Variants in GTF2H2C observed in about 807,000 individuals in gnomAD.
GTF2H2C encodes GTF2H2 family member C, also known as general transcription factor IIH subunit 2-like protein.
In GTF2H2C, 5 loss-of-function variants were observed where a neutral mutation model predicts 24.8. The observed-to-expected ratio is 0.20, with a 90% CI of 0.11 to 0.42. The LOEUF is 0.42. GTF2H2C is among the 20% of genes least tolerant of loss of function. The pLI is 1.00. For synonymous variants in GTF2H2C, 14 were observed against 52.6 expected (o/e 0.27, Z 3.18); for missense variants, 45 against 169.8 (o/e 0.27, Z 4.08).
At chr5:69,567,567 C>G (rs959537293) in intron 6 of GTF2H2C, among the ~76,000 whole-genome samples, 160 bp from the exon 7 acceptor site, 2 of 126,204 alleles carry the variant, frequency 1.6e-5, no homozygotes, top group Non-Finnish European at 3.2e-5. Context: ...AACGTTTTTA[C>G]TGTTTAATAT....
rs1580608967 is a variant in GTF2H2C, at chr5:69,561,369, G to C, written c.-132+966G>C. 2.1e-5 allele frequency among the ~76,000 whole-genome samples: 3 copies of C among 145,872 alleles called. No homozygotes were observed. In the East Asian group the frequency reaches 6.0e-4, roughly 29 times the overall value. On this transcript the variant is annotated intron_variant, in intron 1 of 16. Coordinates refer to ENST00000380729, the MANE Select transcript of GTF2H2C (RefSeq NM_001376000.2). ...ATTCGAGACCAGGCCTGGCCAACAG[G>C]CTGGTGAAACCCCGTCTCTACTAAA...
rs1770783172 is a variant in GTF2H2C at position 69,566,611 on chromosome 5, G to C, written c.157G>C (p.Val53Leu). The change falls in exon 5 of 17, where the codon GTT becomes CTT. Residue 53 changes from valine (V) to leucine (L), a missense_variant. By Grantham distance (32) the Val-to-Leu change is conservative. Transcript: ENST00000380729. ...RKRVFEHHGQ[V>L]RLGMMRHLYV... ...CAGAGTATTTGAGCACCATGGACAA[G>C]TTCGACTTGGAATGGTATGTCATTA... is the stretch of plus-strand genomic sequence containing the variant. 1 of 1,422,386 alleles carries C rather than the reference G, an allele frequency of 7.0e-7. No homozygotes were observed. The highest frequency in any genetic ancestry group is 1.7e-5 in the African/African-American group (1 of 57,638). The allele number at this position is 1,422,386 out of a possible 1,614,324, so 88.1% of individuals were successfully genotyped here.
intron 12 of GTF2H2C, among the ~76,000 whole-genome samples, chr5:69,581,141 CT>C (rs2112244125): frequency 1.4e-5 from 2 of 142,506 alleles, no homozygotes; most frequent in South Asian, 4.7e-4. Flanking sequence ...ATCCGCCCGC[CT>C]CGGCCTCCCA....
chr5:69,563,732 C>T (rs547569548), intron 2 of GTF2H2C, among the ~76,000 whole-genome samples: 9 of 152,116 alleles, frequency 5.9e-5, no homozygotes, highest in East Asian at 1.9e-4. Flanking sequence ...TTGTTCTCAT[C>T]GTTATGTCCA....
intron 5 of GTF2H2C, 135 bp from the exon 6 acceptor site, chr5:69,566,832 C>T: frequency 2.0e-5 from 3 of 153,542 alleles, no homozygotes; most frequent in Non-Finnish European, 3.2e-5. Context: ...GCCTATAATC[C>T]CAGCACTTTG....
rs1174187959 is a variant in GTF2H2C, at chr5:69,593,938, G to GAAAAAAAAAAAAAAAAAAAAAAAA, written c.*1743_*1766dup. On this transcript the variant is annotated 3_prime_UTR_variant, in exon 17 of 17. Transcript: ENST00000380729. ...GCGACAGAGCTAGACTCTGTCTCAAGAAAAAAAAAAAAAAAAAAAAAAAAA... is the reference window on the plus strand; with the variant it reads ...GCGACAGAGCTAGACTCTGTCTCAAGAAAAAAAAAAAAAAAAAAAAAAAAAAAAAAAAAAAAAAAAAAAAAAAAA... Among the ~76,000 whole-genome samples, 1 of 41,764 alleles carries GAAAAAAAAAAAAAAAAAAAAAAAA rather than the reference G, an allele frequency of 2.4e-5. No individual in the cohort carries two copies. The highest frequency in any genetic ancestry group is 1.1e-4 in the African/African-American group (1 of 9,472). The allele number at this position is 41,764 out of a possible 152,430, so 27.4% of individuals were successfully genotyped here.
rs1397212940 is a variant in GTF2H2C, at chr5:69,582,716, A to T, written c.821+287A>T. The stretch of plus-strand genomic sequence containing the variant: ...AAAAACTTAAAAGGGGTGGAGGGGG[A>T]AATTTTTTTTTTTAATGTTTACCTC... On this transcript the variant is annotated intron_variant, in intron 13 of 16. Transcript: ENST00000380729. Among the ~76,000 whole-genome samples the T allele has an allele frequency of 8.0e-5, 2 of 25,112 alleles. 1 individual carries two copies. Among genetic ancestry groups the T allele is most frequent in the Non-Finnish European group, 1.8e-4 (2 of 10,854 alleles). The allele number at this position is 25,112 out of a possible 152,430, so 16.5% of individuals were successfully genotyped here.
chr5:69,568,491 CTT>C (rs1156422359), intron 8 of GTF2H2C: 1,496 of 99,568 alleles, frequency 0.015, no homozygotes, highest in South Asian at 0.049. Flanking sequence ...TTTTTCTTTC[CTT>C]TTTTTTTTTT....
intron 16 of GTF2H2C, among the ~76,000 whole-genome samples, chr5:69,591,606 G>A (rs1771998534): frequency 6.6e-6 from 1 of 150,386 alleles, no homozygotes; most frequent in South Asian, 2.1e-4. Flanking sequence ...TTTCCTTTCT[G>A]CTTGTCTTAT....
chr5:69,574,130 CG>C (rs1771221781), intron 9 of GTF2H2C, among the ~76,000 whole-genome samples: 1 of 25,452 alleles, frequency 3.9e-5, no homozygotes, highest in African/African-American at 1.2e-4. Flanking sequence ...GATGCCGGCA[CG>C]TTGTTATAAA....
In GTF2H2C at chr5:69,565,123, T is replaced by C; in HGVS notation, c.-10T>C. The C allele has an allele frequency of 1.7e-6, 1 of 597,458 alleles. No individual in the cohort carries two copies. Among genetic ancestry groups the C allele is most frequent in the South Asian group, 2.2e-5 (1 of 44,906 alleles). The allele number at this position is 597,458 out of a possible 1,614,324, so 37.0% of individuals were successfully genotyped here. The stretch of plus-strand genomic sequence containing the variant: ...AGATTATTGAATAATAAAATACAGT[T>C]TTGAAAAAAATGGATGAAGAACCTG... On this transcript the variant is annotated 5_prime_UTR_variant, in exon 3 of 17. Coordinates refer to ENST00000380729, the MANE Select transcript of GTF2H2C (RefSeq NM_001376000.2).
chr5:69,565,929 A>AT, intron 3 of GTF2H2C: 2 of 588,548 alleles, frequency 3.4e-6, no homozygotes, highest in Admixed American at 6.1e-5. Context: ...GCTGAATAGT[A>AT]TTCCCATCTA....
chr5:69,563,786 C>G (rs570043316), intron 2 of GTF2H2C, among the ~76,000 whole-genome samples: 1 of 151,858 alleles, frequency 6.6e-6, no homozygotes, highest in African/African-American at 2.4e-5. Context: ...GAGAACATGC[C>G]GTCTTTGGTT....
At chr5:69,563,793 G>A (rs956365560) in intron 2 of GTF2H2C, among the ~76,000 whole-genome samples, 15 of 151,888 alleles carry the variant, frequency 9.9e-5, no homozygotes, top group Non-Finnish European at 1.8e-4. Flanking sequence ...TGCCGTCTTT[G>A]GTTTTCTGTT....
intron 16 of GTF2H2C, among the ~76,000 whole-genome samples, chr5:69,591,481 G>A (rs1771987685): frequency 6.7e-6 from 1 of 149,238 alleles, no homozygotes; most frequent in African/African-American, 2.5e-5. Context: ...TTTATTCAAA[G>A]CCAAATACTT....
In GTF2H2C at chr5:69,566,635, T is replaced by C; in HGVS notation, c.171+10T>C. On this transcript the variant is annotated intron_variant, in intron 5 of 16. Transcript: ENST00000380729. Reference sequence around the variant, plus strand: ...AGTTCGACTTGGAATGGTATGTCATTATTTTTTCTTTTACTAGTACAGAAC... The same window carrying C: ...AGTTCGACTTGGAATGGTATGTCATCATTTTTTCTTTTACTAGTACAGAAC... 2.1e-6 allele frequency: 3 copies of C among 1,397,190 alleles called. No individual in the cohort carries two copies. The highest frequency in any genetic ancestry group is 2.9e-6 in the Non-Finnish European group (3 of 1,040,494). 86.5% of individuals were successfully genotyped at this position (1,397,190 alleles called of 1,614,324 possible).
At chr5:69,580,405 CAAAAG>C (rs1771500712) in intron 12 of GTF2H2C, among the ~76,000 whole-genome samples, 2 of 139,792 alleles carry the variant, frequency 1.4e-5, no homozygotes, top group African/African-American at 2.7e-5. Context: ...AAAAAGAAAA[CAAAAG>C]AAAAACACTT....
chr5:69,572,994 C>T (rs1771142997), intron 9 of GTF2H2C: 1 of 107,188 alleles, frequency 9.3e-6, no homozygotes. Flanking sequence ...AGAGCTAAGA[C>T]CCCAAAGGAA....
chr5:69,580,897 CTTTTTTTTTTT>C (rs1303488292), intron 12 of GTF2H2C, among the ~76,000 whole-genome samples: 4 of 90,504 alleles, frequency 4.4e-5, no homozygotes, highest in African/African-American at 1.2e-4. Context: ...TTTTTTTTTT[CTTTTTTTTTTT>C]GAGATGGAGT....
Sources: gnomAD v4.1 joint callset for allele counts (sites outside exome capture counted in the v4.1 genomes callset) on GRCh38, gnomAD v4.1.1 for gene constraint, MANE v1.5 for transcripts, NCBI Gene and HGNC (gene_info 2026-07-23, HGNC 2026-07-21) for gene names.